DAB1: variants seen among roughly 807,000 people sequenced by gnomAD.
The protein encoded by DAB1 is DAB adaptor protein 1, also known as disabled homolog 1.
Under a neutral mutation model 64.6 loss-of-function variants are expected in DAB1, and 15 were observed. The ratio of observed to expected loss-of-function variants is 0.23; its 90% CI spans 0.16 to 0.36. DAB1 has a LOEUF of 0.36. DAB1 is among the 10% of genes least tolerant of loss of function. The probability of loss-of-function intolerance (pLI) is 1.00; values close to 1 mark genes in which losing one functional copy is unlikely to be tolerated. For synonymous variants in DAB1, 235 were observed against 251.9 expected, an observed-to-expected ratio of 0.93 and a Z score of 0.64; for missense variants, 596 against 706.7, an observed-to-expected ratio of 0.84 and a Z score of 1.78.
intron 5 of DAB1, among the ~76,000 whole-genome samples, chr1:58,078,365 G>C (rs1188230641): frequency 6.6e-6 from 1 of 152,166 alleles, no homozygotes. Context: ...CTAGAAAATG[G>C]GGATAATTGA....
intron 1 of DAB1, among the ~76,000 whole-genome samples, chr1:57,321,039 T>C (rs1309140123): frequency 6.6e-6 from 1 of 152,162 alleles, no homozygotes; most frequent in Non-Finnish European, 1.5e-5. Context: ...ACCAAATGCA[T>C]TAATTTTACA....
intron 3 of DAB1, among the ~76,000 whole-genome samples, chr1:58,381,919 C>T (rs1054284887): frequency 3.4e-4 from 52 of 152,062 alleles, no homozygotes; most frequent in African/African-American, 1.0e-3. Context: ...TGAATGACAC[C>T]ATCAAAGAAG....
Position 57,581,630 on chromosome 1 carries a change from C to T in DAB1, n.625+67962G>A, listed in dbSNP as rs375167480. On this transcript the variant is annotated intron_variant and non_coding_transcript_variant, in intron 7 of 20. Transcript: ENST00000485760. Reference sequence around the variant, plus strand: ...TGAAATCATTTATGTGTGAAATACACGAAATATTTATACACAACTATAATA... The same window carrying T: ...TGAAATCATTTATGTGTGAAATACATGAAATATTTATACACAACTATAATA... Among the ~76,000 whole-genome samples, 24 of 150,852 alleles carry T rather than the reference C, an allele frequency of 1.6e-4. No individual in the cohort carries two copies. The South Asian group carries it at 1.7e-3, about 10-fold the overall frequency.
At chr1:57,774,812 T>A (rs1305128175) in intron 6 of DAB1, among the ~76,000 whole-genome samples, 2 of 151,842 alleles carry the variant, frequency 1.3e-5, no homozygotes. Context: ...TCTGGCCTCA[T>A]CTAAATTCTG....
intron 1 of DAB1, among the ~76,000 whole-genome samples, chr1:57,356,980 T>C (rs1679159802): frequency 6.6e-6 from 1 of 152,002 alleles, no homozygotes; most frequent in Non-Finnish European, 1.5e-5. Context: ...GCTTCAACTA[T>C]ACATTGGAAA....
At chr1:58,361,237 T>A (rs561347052) in intron 3 of DAB1, among the ~76,000 whole-genome samples, 1 of 152,248 alleles carries the variant, frequency 6.6e-6, no homozygotes, top group Non-Finnish European at 1.5e-5. Context: ...TCTTTAATAC[T>A]GGGAGGGCTC....
At chr1:58,400,193 C>T (rs1644557639) in intron 3 of DAB1, among the ~76,000 whole-genome samples, 1 of 151,342 alleles carries the variant, frequency 6.6e-6, no homozygotes, top group African/African-American at 2.4e-5. Flanking sequence ...CAACAGAAAC[C>T]AGCTTTCCAT....
intron 4 of DAB1, among the ~76,000 whole-genome samples, chr1:57,123,146 G>C (rs1382489966): frequency 6.6e-6 from 1 of 152,116 alleles, no homozygotes; most frequent in Non-Finnish European, 1.5e-5. Context: ...TGCATACGTG[G>C]AGAATCAACA....
At chr1:57,401,579 C>T (rs1683246408) in intron 1 of DAB1, among the ~76,000 whole-genome samples, 1 of 152,124 alleles carries the variant, frequency 6.6e-6, no homozygotes, top group Admixed American at 6.6e-5. Flanking sequence ...AGCATTACTG[C>T]AGAGATATGA....
intron 7 of DAB1, among the ~76,000 whole-genome samples, chr1:57,631,955 G>T (rs564402844): frequency 3.9e-5 from 6 of 152,294 alleles, no homozygotes; most frequent in African/African-American, 1.4e-4. Flanking sequence ...AGCATCAGGA[G>T]ACATATCAGA....
intron 6 of DAB1, among the ~76,000 whole-genome samples, chr1:57,797,684 A>G (rs1413123779): frequency 6.6e-6 from 1 of 152,256 alleles, no homozygotes; most frequent in East Asian, 1.9e-4. Flanking sequence ...AGCTGTAGAA[A>G]GAAGACAGAA....
At chr1:57,484,567 G>T (rs989073605) in intron 7 of DAB1, among the ~76,000 whole-genome samples, 11 of 152,200 alleles carry the variant, frequency 7.2e-5, no homozygotes, top group African/African-American at 2.7e-4. Flanking sequence ...CCAGGGAGGA[G>T]CTTGCTTGGA....
At chr1:58,171,976 T>A (rs1656200012) in intron 4 of DAB1, among the ~76,000 whole-genome samples, 1 of 152,214 alleles carries the variant, frequency 6.6e-6, no homozygotes, top group Non-Finnish European at 1.5e-5. Flanking sequence ...TTCTGGCTTA[T>A]CCTCACCCTA....
chr1:58,470,283 T>C (rs1254047223), intron 3 of DAB1, among the ~76,000 whole-genome samples: 2 of 152,018 alleles, frequency 1.3e-5, no homozygotes, highest in African/African-American at 2.4e-5. Flanking sequence ...AAGAGATTCT[T>C]GTGCCTCAGC....
intron 9 of DAB1, among the ~76,000 whole-genome samples, chr1:57,041,122 A>C (rs1647728365): frequency 6.6e-6 from 1 of 152,234 alleles, no homozygotes; most frequent in Non-Finnish European, 1.5e-5. Flanking sequence ...AAAAATAGCC[A>C]GGAGGGCTTT....
chr1:58,419,110 G>A (rs1644748469), intron 3 of DAB1, among the ~76,000 whole-genome samples: 1 of 152,166 alleles, frequency 6.6e-6, no homozygotes, highest in Admixed American at 6.5e-5. Context: ...AGGGCAGTGT[G>A]TATTTATCTT....
chr1:57,981,380 C>A (rs1010958109), intron 5 of DAB1, among the ~76,000 whole-genome samples: 3 of 151,956 alleles, frequency 2.0e-5, no homozygotes, highest in African/African-American at 4.8e-5. Flanking sequence ...GAGAGATAGC[C>A]ACTGTCTAGA....
chr1:58,201,260 C>A (rs939355192), intron 4 of DAB1, among the ~76,000 whole-genome samples: 17 of 152,124 alleles, frequency 1.1e-4, no homozygotes, highest in Non-Finnish European at 2.5e-4. Context: ...TCGTGATCTG[C>A]CTGCCTTGGC....
At chr1:57,561,605 A>G (rs1645052606) in intron 7 of DAB1, among the ~76,000 whole-genome samples, 1 of 152,160 alleles carries the variant, frequency 6.6e-6, no homozygotes, top group Non-Finnish European at 1.5e-5. Flanking sequence ...GATTTTAATA[A>G]TCAAGTGGAT....
Sources: gnomAD v4.1 joint callset for allele counts (sites outside exome capture counted in the v4.1 genomes callset) on GRCh38, gnomAD v4.1.1 for gene constraint, MANE v1.5 for transcripts, NCBI Gene and HGNC (gene_info 2026-07-23, HGNC 2026-07-21) for gene names.